MYH15: variants seen among roughly 807,000 people sequenced by gnomAD.
MYH15 encodes myosin-15.
A neutral mutation model predicts 240.5 loss-of-function variants in MYH15; 227 were observed. That is an observed-to-expected ratio of 0.94 (90% CI 0.85 to 1.05). The LOEUF (loss-of-function observed/expected upper bound fraction) is 1.05, where lower values mean the gene tolerates loss of function less well. Among genes scored for constraint, MYH15 ranks in the 50% least tolerant of loss-of-function variants. The pLI, the probability that MYH15 is intolerant of heterozygous loss-of-function variation, is 0.00. For synonymous variants in MYH15, 785 were observed against 796.7 expected, an observed-to-expected ratio of 0.99 and a Z score of 0.25; for missense variants, 2,217 against 2,247.5, an observed-to-expected ratio of 0.99 and a Z score of 0.27.
chr3:108,527,545 A>G (rs911979156), intron 1 of MYH15, among the ~76,000 whole-genome samples: 3 of 152,182 alleles, frequency 2.0e-5, no homozygotes, highest in African/African-American at 7.2e-5. Flanking sequence ...TAAAAAAATC[A>G]TCTCCTATCT....
At chr3:108,434,157 T>G (rs2082808983) in intron 25 of MYH15, among the ~76,000 whole-genome samples, 1 of 98,796 alleles carries the variant, frequency 1.0e-5, no homozygotes, top group Non-Finnish European at 2.2e-5. Flanking sequence ...TTGTTGTATT[T>G]AATATTTTAA....
At chr3:108,382,775 T>A (rs867597307) in intron 40 of MYH15, among the ~76,000 whole-genome samples, 9 of 151,924 alleles carry the variant, frequency 5.9e-5, no homozygotes, top group Non-Finnish European at 8.8e-5. Context: ...AAAAAAAAAA[T>A]AATAATAATG....
chr3:108,414,963 T>C (rs947303124), intron 29 of MYH15, among the ~76,000 whole-genome samples: 1 of 152,220 alleles, frequency 6.6e-6, no homozygotes, highest in African/African-American at 2.4e-5. Context: ...CTATGTACAC[T>C]GTCCAATATG....
intron 1 of MYH15, among the ~76,000 whole-genome samples, chr3:108,528,810 C>A (rs2083692622): frequency 6.6e-6 from 1 of 152,180 alleles, no homozygotes; most frequent in Non-Finnish European, 1.5e-5. Context: ...ACTATTCTGA[C>A]TTTTTGCCTT....
chr3:108,546,589 T>C, the MYH15 span, among the ~76,000 whole-genome samples: 1 of 152,316 alleles, frequency 6.6e-6, no homozygotes, highest in East Asian at 1.9e-4. Context: ...ATCCTGGGAT[T>C]ATCCATCATA....
the MYH15 span, among the ~76,000 whole-genome samples, chr3:108,544,965 T>C: frequency 5.3e-5 from 8 of 152,152 alleles, no homozygotes; most frequent in Non-Finnish European, 7.4e-5. Flanking sequence ...GTTTTACCAC[T>C]AAAATTTGGC....
chr3:108,513,353 T>A (rs1047721705), upstream of MYH15, among the ~76,000 whole-genome samples: 1 of 152,148 alleles, frequency 6.6e-6, no homozygotes, highest in Non-Finnish European at 1.5e-5. Flanking sequence ...ATACTGCATA[T>A]ATTTACAAGA....
At chr3:108,402,444 C>T (rs151307953) in intron 33 of MYH15, among the ~76,000 whole-genome samples, 2 of 152,170 alleles carry the variant, frequency 1.3e-5, no homozygotes, top group African/African-American at 4.8e-5. Flanking sequence ...GGGCCAAATC[C>T]CACCATGCCC....
At chr3:108,451,862 TA>T (rs1404866140) in intron 21 of MYH15, among the ~76,000 whole-genome samples, 2 of 152,074 alleles carry the variant, frequency 1.3e-5, no homozygotes, top group Non-Finnish European at 2.9e-5. Context: ...CACACATTTA[TA>T]GATTAATTCA....
intron 11 of MYH15, among the ~76,000 whole-genome samples, chr3:108,476,942 C>A (rs1353326971): frequency 2.0e-5 from 3 of 152,084 alleles, no homozygotes; most frequent in Admixed American, 2.0e-4. Context: ...CATAGAGTTA[C>A]TATGGAACCC....
chr3:108,454,240 C>G, intron 20 of MYH15, 98 bp from the exon 21 acceptor site: 1 of 1,078,182 alleles, frequency 9.3e-7, no homozygotes. Flanking sequence ...CTAGGGATAA[C>G]TGTATCAATT....
chr3:108,491,732 C>T (rs2083349938), intron 9 of MYH15, among the ~76,000 whole-genome samples: 1 of 152,162 alleles, frequency 6.6e-6, no homozygotes, highest in Admixed American at 6.5e-5. Flanking sequence ...TGCCAACTCC[C>T]TGAGTTCAGA....
chr3:108,511,391 G>A (rs1005299557), upstream of MYH15, among the ~76,000 whole-genome samples: 1 of 152,162 alleles, frequency 6.6e-6, no homozygotes. Flanking sequence ...TGTGAGTGAA[G>A]CTGGAATAAA....
At chr3:108,419,329 A>G (rs1026162929) in intron 28 of MYH15, among the ~76,000 whole-genome samples, 3 of 152,220 alleles carry the variant, frequency 2.0e-5, no homozygotes, top group African/African-American at 7.2e-5. Context: ...AAAGCCAACC[A>G]AAAGGTAAAG....
At chr3:108,528,982 A>C (rs2083693839) in intron 1 of MYH15, among the ~76,000 whole-genome samples, 1 of 152,194 alleles carries the variant, frequency 6.6e-6, no homozygotes, top group South Asian at 2.1e-4. Context: ...GTGTCTGAGA[A>C]AAGGGAAGTG....
the MYH15 span, among the ~76,000 whole-genome samples, chr3:108,535,325 A>G: frequency 3.9e-5 from 6 of 152,306 alleles, no homozygotes; most frequent in African/African-American, 1.4e-4. Flanking sequence ...TCAAGGCATC[A>G]GCAGATTTGG....
rs139352161 is a variant in MYH15 at position 108,397,236 on chromosome 3, G to A, written c.5133+1401C>T. ...CAGGCTCAGGGTCACTGGTGACCTG[G>A]CCCCACCTATCTCAGCATGATTTCT... On this transcript the variant is annotated intron_variant, in intron 35 of 40. Transcript: ENST00000693548. Among the ~76,000 whole-genome samples the A allele has an allele frequency of 4.7e-3, 723 of 152,238 alleles. 12 individuals are homozygous for A. The highest frequency in any genetic ancestry group is 0.016 in the African/African-American group (683 of 41,534).
chr3:108,496,405 C>A (rs553215746), intron 6 of MYH15, among the ~76,000 whole-genome samples: 2 of 152,280 alleles, frequency 1.3e-5, no homozygotes, highest in South Asian at 2.1e-4. Context: ...TGTGCTCAGG[C>A]TGATAGGCAA....
intron 1 of MYH15, among the ~76,000 whole-genome samples, chr3:108,516,724 ATT>A (rs897636109): frequency 7.9e-5 from 12 of 152,316 alleles, no homozygotes; most frequent in Non-Finnish European, 1.8e-4. Context: ...CAATTTATTT[ATT>A]TATACGCAGC....
Sources: allele counts gnomAD v4.1 joint callset (sites outside exome capture counted in the v4.1 genomes callset), GRCh38; gene constraint gnomAD v4.1.1; transcripts MANE v1.5; gene names NCBI Gene and HGNC (gene_info 2026-07-23, HGNC 2026-07-21).